Variants in SMIM23 observed in about 807,000 individuals in gnomAD.
SMIM23 encodes CTB-78H18.1.
Under a neutral mutation model 12.8 loss-of-function variants are expected in SMIM23, and 10 were observed. That is an observed-to-expected ratio of 0.78 (90% confidence interval 0.48 to 1.32). The LOEUF (loss-of-function observed/expected upper bound fraction) is 1.32, where lower values mean the gene tolerates loss of function less well. SMIM23 is among the 40% of genes most tolerant of loss of function. SMIM23 has a pLI of 0.00. For synonymous variants in SMIM23, 78 were observed against 80.1 expected, an observed-to-expected ratio of 0.97 and a Z score of 0.14; for missense variants, 184 against 198.2, an observed-to-expected ratio of 0.93 and a Z score of 0.43.
At chr5:171,786,030 A>C (rs1226144784) in intron 1 of SMIM23, 54 bp downstream of exon 1, 3 of 1,388,804 alleles carry the variant, frequency 2.2e-6, no homozygotes, top group South Asian at 1.2e-5. Context: ...TCCTTTTGCC[A>C]CTCCAGACAG....
At chr5:171,788,833 A>G (rs1755865972) in intron 1 of SMIM23, among the ~76,000 whole-genome samples, 1 of 152,004 alleles carries the variant, frequency 6.6e-6, no homozygotes, top group Admixed American at 6.5e-5. Context: ...AACTTGACAA[A>G]CGTGTAGAAA....
At chr5:171,775,811 A>T in the SMIM23 span, among the ~76,000 whole-genome samples, 5 of 152,354 alleles carry the variant, frequency 3.3e-5, no homozygotes, top group South Asian at 1.0e-3. Context: ...GCCATGCGTC[A>T]GAATTTTACA....
chr5:171,785,401 G>GGTTT (rs1561590329), upstream of SMIM23, among the ~76,000 whole-genome samples: 1 of 136,528 alleles, frequency 7.3e-6, no homozygotes, highest in Non-Finnish European at 1.6e-5. Context: ...AGCTTTTATT[G>GGTTT]TTTTTTTTTT....
intron 1 of SMIM23, among the ~76,000 whole-genome samples, chr5:171,789,087 G>A (rs576614067): frequency 1.6e-4 from 25 of 152,358 alleles, no homozygotes; most frequent in Admixed American, 8.5e-4. Context: ...TGATCACCAC[G>A]GCCTCCCAAA....
At chr5:171,789,751 G>A (rs142435528) in intron 1 of SMIM23, among the ~76,000 whole-genome samples, 89 of 152,320 alleles carry the variant, frequency 5.8e-4, no homozygotes, top group South Asian at 2.9e-3. Context: ...CACAGTGACA[G>A]AAAACAGATT....
At position 171,790,601 on chromosome 5, in the gene SMIM23, G is replaced by C. The variant is rs182123293; in HGVS notation, c.225+52G>C. On this transcript the variant is annotated intron_variant, in intron 3 of 3. Coordinates refer to ENST00000523047, the MANE Select transcript of SMIM23 (RefSeq NM_001289970.2). ...TGAGGCAATCTGGGAAGGCTTTCCA[G>C]AGGAGGTGTCATTGGCAACATGGGT... The C allele has an allele frequency of 8.6e-6, 13 of 1,507,064 alleles. No individual in the cohort carries two copies. The African/African-American group carries it at 1.8e-4, about 21-fold the overall frequency. The allele number at this position is 1,507,064 out of a possible 1,614,324, so 93.4% of individuals were successfully genotyped here.
At chr5:171,777,411 G>A in the SMIM23 span, among the ~76,000 whole-genome samples, 24,684 of 152,116 alleles carry the variant, frequency 0.16, 2,403 homozygotes, top group African/African-American at 0.26. Flanking sequence ...TCCACTGTTC[G>A]CAGTTCTTTA....
chr5:171,773,557 C>A, the SMIM23 span: 1 of 334,628 alleles, frequency 3.0e-6, no homozygotes, highest in East Asian at 8.9e-5. Flanking sequence ...GGAGCTGGTG[C>A]CCTCACGGGG....
At chr5:171,788,173 AAC>A (rs10566750) in intron 1 of SMIM23, among the ~76,000 whole-genome samples, 20,652 of 145,152 alleles carry the variant, frequency 0.14, 4,330 homozygotes, top group African/African-American at 0.46. Context: ...CACACACACA[AAC>A]ACACACACAC....
chr5:171,787,004 C>CTTTTTTTTTT (rs202159150), intron 1 of SMIM23, among the ~76,000 whole-genome samples: 14 of 71,290 alleles, frequency 2.0e-4, no homozygotes, highest in Admixed American at 4.0e-4. Context: ...CCATTGTTTC[C>CTTTTTTTTTT]TTTTTTTTTT....
upstream of SMIM23, among the ~76,000 whole-genome samples, chr5:171,785,124 G>A (rs1204733257): frequency 6.6e-6 from 1 of 151,928 alleles, no homozygotes; most frequent in Non-Finnish European, 1.5e-5. Flanking sequence ...ATTGTCCTAA[G>A]TAAGCAAACC....
At chr5:171,786,609 G>A (rs1321562830) in intron 1 of SMIM23, among the ~76,000 whole-genome samples, 1 of 152,210 alleles carries the variant, frequency 6.6e-6, no homozygotes, top group African/African-American at 2.4e-5. Context: ...AGAAGAAGCT[G>A]TTGACGGGTT....
At chr5:171,778,924 C>G (rs1755683530), upstream of SMIM23, among the ~76,000 whole-genome samples, 1 of 152,124 alleles carries the variant, frequency 6.6e-6, no homozygotes, top group African/African-American at 2.4e-5. Context: ...GAGTTTCAGC[C>G]TTCCCATCAA....
At chr5:171,774,403 A>G in the SMIM23 span, 2 of 456,222 alleles carry the variant, frequency 4.4e-6, no homozygotes, top group Non-Finnish European at 8.8e-6. Flanking sequence ...ACAGGCAGTT[A>G]GCAGAAACAA....
rs1447211946 is a variant in SMIM23, at chr5:171,785,835, T to C, written c.-37T>C. ...GAGGGGAAGGGTGCCCTTCTGTCTGTTGAGTGTGGTCCACCCAGGCAGCCA... is the reference window on the plus strand; with the variant it reads ...GAGGGGAAGGGTGCCCTTCTGTCTGCTGAGTGTGGTCCACCCAGGCAGCCA... On this transcript the variant is annotated 5_prime_UTR_variant, in exon 1 of 4. Transcript: ENST00000523047. 1 of 1,495,096 alleles carries C rather than the reference T, an allele frequency of 6.7e-7. No individual in the cohort carries two copies. Among genetic ancestry groups the C allele is most frequent in the South Asian group, 1.2e-5 (1 of 83,270 alleles). 92.6% of individuals were successfully genotyped at this position (1,495,096 alleles called of 1,614,324 possible).
the SMIM23 span, among the ~76,000 whole-genome samples, chr5:171,773,142 C>G: frequency 6.6e-5 from 10 of 152,190 alleles, no homozygotes; most frequent in African/African-American, 2.4e-4. Flanking sequence ...CGAATCCTGA[C>G]TCTCCTGCCA....
the SMIM23 span, among the ~76,000 whole-genome samples, chr5:171,772,742 A>G: frequency 6.6e-6 from 1 of 151,864 alleles, no homozygotes; most frequent in Non-Finnish European, 1.5e-5. Context: ...GTATTTCCAC[A>G]GCAAGGTATG....
chr5:171,783,248 C>G (rs1292641417), upstream of SMIM23, among the ~76,000 whole-genome samples: 4 of 152,186 alleles, frequency 2.6e-5, no homozygotes, highest in African/African-American at 9.7e-5. Context: ...CAAAGTGATT[C>G]ATAGGTGTGA....
At chr5:171,777,929 G>T (rs906714351), upstream of SMIM23, among the ~76,000 whole-genome samples, 4 of 152,152 alleles carry the variant, frequency 2.6e-5, no homozygotes, top group South Asian at 8.3e-4. Context: ...GAATCTGCAG[G>T]GAGCATCCCA....
Sources: allele counts gnomAD v4.1 joint callset (sites outside exome capture counted in the v4.1 genomes callset), GRCh38; gene constraint gnomAD v4.1.1; transcripts MANE v1.5; gene names NCBI Gene and HGNC (gene_info 2026-07-23, HGNC 2026-07-21).